Variants in PTPN13 observed in about 807,000 individuals in gnomAD.
The protein encoded by PTPN13 is tyrosine-protein phosphatase non-receptor type 13.
A neutral mutation model predicts 284.0 loss-of-function variants in PTPN13; 191 were observed. The ratio of observed to expected loss-of-function variants is 0.67; its 90% confidence interval spans 0.60 to 0.76. The LOEUF (loss-of-function observed/expected upper bound fraction) is 0.76. PTPN13 is among the 30% of genes least tolerant of loss of function. The pLI, the probability that PTPN13 is intolerant of heterozygous loss-of-function variation, is 0.00. For synonymous variants in PTPN13, 986 were observed against 1,022.3 expected (o/e 0.96, Z 0.68); for missense variants, 2,797 against 2,939.9 (o/e 0.95, Z 1.12).
intron 2 of PTPN13, among the ~76,000 whole-genome samples, chr4:86,660,426 A>C (rs1010145223): frequency 6.6e-6 from 1 of 152,160 alleles, no homozygotes; most frequent in African/African-American, 2.4e-5. Flanking sequence ...CTTTATAGGA[A>C]ATATAGAAAG....
chr4:86,598,387 G>A (rs941340586), intron 1 of PTPN13, among the ~76,000 whole-genome samples: 4 of 151,842 alleles, frequency 2.6e-5, no homozygotes, highest in African/African-American at 9.7e-5. Flanking sequence ...TCAAGCGATC[G>A]GCCTGCCTCA....
At chr4:86,789,471 G>T (rs1742363688) in intron 40 of PTPN13, among the ~76,000 whole-genome samples, 1 of 152,108 alleles carries the variant, frequency 6.6e-6, no homozygotes, top group African/African-American at 2.4e-5. Flanking sequence ...ATGCTATAGT[G>T]CTGTGCTATC....
chr4:86,699,550 A>G (rs1416082193), intron 6 of PTPN13, among the ~76,000 whole-genome samples: 1 of 152,196 alleles, frequency 6.6e-6, no homozygotes, highest in African/African-American at 2.4e-5. Flanking sequence ...AAAGTGAAAC[A>G]GTCATTGTGG....
intron 1 of PTPN13, among the ~76,000 whole-genome samples, chr4:86,597,229 T>G (rs1468235087): frequency 6.6e-6 from 1 of 151,694 alleles, no homozygotes; most frequent in African/African-American, 2.4e-5. Flanking sequence ...GTCAAATAAC[T>G]TAGGAACTAA....
chr4:86,595,304 G>T (rs903090622), intron 1 of PTPN13, among the ~76,000 whole-genome samples: 1 of 151,872 alleles, frequency 6.6e-6, no homozygotes, highest in Non-Finnish European at 1.5e-5. Context: ...GGGGGCAGAG[G>T]GAGAGACACT....
Position 86,779,955 on chromosome 4 carries a change from TTAAAC to T in PTPN13, c.5892-444_5892-440del, listed in dbSNP as rs539994359. Among the ~76,000 whole-genome samples, 10 of 152,330 alleles carry T rather than the reference TTAAAC, an allele frequency of 6.6e-5. No individual in the cohort carries two copies. In the South Asian group the frequency reaches 2.1e-3, roughly 32 times the overall value. ...ATGAACTGTGATTTCTAAGTTATCT[TTAAAC>T]TATTGACTAAGTGACAGTGAACCGA... On this transcript the variant is annotated intron_variant, in intron 35 of 47. Coordinates refer to ENST00000411767, the MANE Select transcript of PTPN13 (RefSeq NM_080683.3).
In PTPN13 at chr4:86,689,377, A is replaced by G. The variant is rs140335313; in HGVS notation, c.546+187A>G. On this transcript the variant is annotated intron_variant, in intron 5 of 47. Coordinates refer to ENST00000411767, the MANE Select transcript of PTPN13 (RefSeq NM_080683.3). ...ACTTAAAATTTAGAAGCTCATTGCA[A>G]TAAGTCTAGATTTTGTGAGAATTAT... Among the ~76,000 whole-genome samples the G allele has an allele frequency of 3.6e-3, 547 of 152,314 alleles. 3 individuals are homozygous for G. The highest frequency in any genetic ancestry group is 0.012 in the African/African-American group (516 of 41,570).
intron 1 of PTPN13, among the ~76,000 whole-genome samples, chr4:86,609,949 T>C (rs1765118862): frequency 2.0e-5 from 3 of 152,184 alleles, no homozygotes; most frequent in Non-Finnish European, 4.4e-5. Context: ...GTTTTTCTAG[T>C]TTTCTTTCCT....
chr4:86,634,258 T>C (rs575042405), intron 1 of PTPN13, among the ~76,000 whole-genome samples: 1 of 152,192 alleles, frequency 6.6e-6, no homozygotes, highest in Non-Finnish European at 1.5e-5. Flanking sequence ...AGAAATATAC[T>C]ATATATGTTA....
Position 86,790,382 on chromosome 4 carries a change from T to C in PTPN13, c.6345+4446T>C, listed in dbSNP as rs76812193. On this transcript the variant is annotated intron_variant, in intron 40 of 47. Coordinates refer to ENST00000411767, the MANE Select transcript of PTPN13 (RefSeq NM_080683.3). ...AAATAACCTATGTCACAGACATAAG[T>C]GTGTGTGGGCACACAGTGGTGAACA... Among the ~76,000 whole-genome samples, 525 of 152,310 alleles carry C rather than the reference T, an allele frequency of 3.4e-3. 3 individuals carry two copies. The highest frequency in any genetic ancestry group is 0.012 in the African/African-American group (499 of 41,562).
At chr4:86,673,668 G>C (rs1168977153) in intron 3 of PTPN13, among the ~76,000 whole-genome samples, 4 of 152,208 alleles carry the variant, frequency 2.6e-5, no homozygotes, top group Non-Finnish European at 5.9e-5. Context: ...ATAACTATGG[G>C]AGAAGGAAGA....
rs186020559 is a variant in PTPN13, at chr4:86,693,653, C to G, written c.613C>G (p.Arg205Gly). 9.8e-5 allele frequency: 152 copies of G among 1,551,874 alleles called. No individual in the cohort carries two copies. The East Asian group carries it at 3.6e-3, about 37-fold the overall frequency. The change falls in exon 6 of 48, where the codon CGA becomes GGA. Residue 205 changes from arginine (R) to glycine (G), a missense_variant. Transcript: ENST00000411767. Reference sequence around the variant, plus strand: ...AAGCCAGGCTATTCGAGATCGATTGCGAGGAAAAGGATTACCAACAGGTAA... The same window carrying G: ...AAGCCAGGCTATTCGAGATCGATTGGGAGGAAAAGGATTACCAACAGGTAA... ...DRSQAIRDRL[R>G]GKGLPTGRSS...
chr4:86,782,308 G>A (rs773537629), intron 37 of PTPN13, 46 bp downstream of exon 37: 1 of 1,469,918 alleles, frequency 6.8e-7, no homozygotes, highest in South Asian at 1.1e-5. Flanking sequence ...CCTTATCTGA[G>A]GAACTGCATG....
chr4:86,765,368 A>G, intron 25 of PTPN13, 27 bp from the exon 26 acceptor site: 1 of 1,543,564 alleles, frequency 6.5e-7, no homozygotes, highest in Non-Finnish European at 8.8e-7. Flanking sequence ...CATGTTATAA[A>G]ATATTATTTT....
Position 86,771,536 on chromosome 4 carries a change from G to A in PTPN13, c.5168+1G>A, listed in dbSNP as rs1450178707. The A allele has an allele frequency of 6.4e-7, 1 of 1,568,124 alleles. No homozygotes were observed. Among genetic ancestry groups the A allele is most frequent in the Non-Finnish European group, 8.7e-7 (1 of 1,153,762 alleles). On this transcript the variant is annotated splice_donor_variant, in intron 31 of 47. Transcript: ENST00000411767. LOFTEE classifies it high-confidence loss of function. ...CCAATAAACCAGAGTTTGAGGACAG[G>A]TATCATCAATATAATGTGAACCGCT...
At chr4:86,716,885 TTAA>T in intron 8 of PTPN13, 136 bp from the exon 9 acceptor site, 1 of 646,738 alleles carries the variant, frequency 1.5e-6, no homozygotes, top group Middle Eastern at 4.1e-4. Context: ...TCAAAAGAGT[TTAA>T]TAACATTATG....
chr4:86,680,309 C>T (rs1225403789), intron 3 of PTPN13, among the ~76,000 whole-genome samples: 1 of 151,938 alleles, frequency 6.6e-6, no homozygotes, highest in Non-Finnish European at 1.5e-5. Context: ...GCTTCCTTGA[C>T]TCTCATCTTT....
Position 86,741,540 on chromosome 4 carries a change from G to A in PTPN13, c.2305-94G>A, listed in dbSNP as rs1024814511. 1.1e-5 allele frequency: 12 copies of A among 1,092,680 alleles called. No individual in the cohort carries two copies. The African/African-American group carries it at 1.7e-4, about 16-fold the overall frequency. The allele number at this position is 1,092,680 out of a possible 1,614,324, so 67.7% of individuals were successfully genotyped here. A position where few individuals can be genotyped will look rare whatever the true frequency, so the allele number is the denominator to read the frequency against. On this transcript the variant is annotated intron_variant, in intron 15 of 47. Transcript: ENST00000411767. ...TGTGGGAATTCAAGATGAGATTTGT[G>A]GGGGGACACGGCCAAACCATATCAT... is the stretch of plus-strand genomic sequence containing the variant.
chr4:86,720,230 C>T (rs947896330), intron 9 of PTPN13, among the ~76,000 whole-genome samples: 15 of 152,014 alleles, frequency 9.9e-5, no homozygotes, highest in East Asian at 7.7e-4. Flanking sequence ...CATATTCAAG[C>T]GAAATTAAAT....
Sources: allele counts gnomAD v4.1 joint callset (sites outside exome capture counted in the v4.1 genomes callset), GRCh38; gene constraint gnomAD v4.1.1; transcripts MANE v1.5; gene names NCBI Gene and HGNC (gene_info 2026-07-23, HGNC 2026-07-21).